The following ADAMTSL2 variants were observed in gnomAD, a reference collection of about 807,000 sequenced individuals.
ADAMTSL2 encodes the protein ADAMTS like 2.
ADAMTSL2 carries 55 observed loss-of-function variants against 117.0 expected under a neutral mutation model. That is an observed-to-expected ratio of 0.47 (90% CI 0.38 to 0.59). The LOEUF is 0.59. Ranked by LOEUF, ADAMTSL2 falls within the 20% of genes least tolerant of loss-of-function variation. The pLI, the probability that ADAMTSL2 is intolerant of heterozygous loss-of-function variation, is 0.00. For missense variants in ADAMTSL2, 1,182 were observed against 1,354.5 expected (o/e 0.87, Z 2.00); for synonymous variants, 572 against 566.4 (o/e 1.01, Z -0.14).
chr9:133,538,433 C>T lies in ADAMTSL2; in HGVS notation c.309+9C>T, dbSNP rs369866488. Reference sequence around the variant, plus strand: ...AGCTCTGCAGAGTGCAGGTGAGGCCCGGCCCGGGCAGGGGCACCATGGCCT... The same window carrying T: ...AGCTCTGCAGAGTGCAGGTGAGGCCTGGCCCGGGCAGGGGCACCATGGCCT... On this transcript the variant is annotated intron_variant, in intron 4 of 18. Transcript: ENST00000651351. 7.1e-5 allele frequency: 115 copies of T among 1,612,608 alleles called. 1 individual carries two copies. The highest frequency in any genetic ancestry group is 1.3e-4 in the East Asian group (6 of 44,878).
At chr9:133,546,876 C>T (rs1030718013) in intron 8 of ADAMTSL2, among the ~76,000 whole-genome samples, 162 bp from the exon 9 acceptor site, 1 of 152,148 alleles carries the variant, frequency 6.6e-6, no homozygotes, top group Non-Finnish European at 1.5e-5. Context: ...GCCCCTCCTC[C>T]GCATTCACTG....
upstream of ADAMTSL2, chr9:133,534,601 C>CCAGG (rs1365021727): frequency 3.2e-6 from 4 of 1,254,524 alleles, no homozygotes; most frequent in Non-Finnish European, 4.1e-6. Context: ...AAAGTGTGCG[C>CCAGG]CAGGCCGGCC....
At chr9:133,548,802 C>T (rs1432090644) in intron 9 of ADAMTSL2, among the ~76,000 whole-genome samples, 1 of 152,148 alleles carries the variant, frequency 6.6e-6, no homozygotes, top group Non-Finnish European at 1.5e-5. Context: ...GGCAGTTCAC[C>T]GAAGGGTGGG....
intron 7 of ADAMTSL2, among the ~76,000 whole-genome samples, chr9:133,541,255 C>T (rs927856421): frequency 2.0e-5 from 3 of 151,626 alleles, no homozygotes; most frequent in Non-Finnish European, 2.9e-5. Flanking sequence ...CACATTTGCC[C>T]TTTGAGACAG....
chr9:133,551,251 G>A (rs957523462), intron 9 of ADAMTSL2, among the ~76,000 whole-genome samples: 1 of 151,826 alleles, frequency 6.6e-6, no homozygotes, highest in African/African-American at 2.4e-5. Flanking sequence ...ACCCATCTCT[G>A]AATCAAGTTT....
intron 12 of ADAMTSL2, among the ~76,000 whole-genome samples, chr9:133,562,436 AC>A (rs1160679779): frequency 1.5e-4 from 22 of 147,830 alleles, no homozygotes; most frequent in South Asian, 4.3e-4. Flanking sequence ...CGTGGCGGGC[AC>A]CCGGCTCGGC....
At position 133,540,476 on chromosome 9, in the gene ADAMTSL2, T is replaced by C. The variant is rs536173247; in HGVS notation, c.413-122T>C. On this transcript the variant is annotated intron_variant, in intron 5 of 18. Coordinates refer to ENST00000651351, the MANE Select transcript of ADAMTSL2 (RefSeq NM_014694.4). ...AGACCTGGACAGGTTCCTTCTGTTC[T>C]CCAGGCCTGAGTTGCCCCATCTATG... The C allele has an allele frequency of 2.3e-5, 31 of 1,371,042 alleles. No individual in the cohort carries two copies. In the South Asian group the frequency reaches 3.9e-4, roughly 17 times the overall value. 84.9% of individuals were successfully genotyped at this position (1,371,042 alleles called of 1,614,324 possible).
At position 133,575,236 on chromosome 9, in the gene ADAMTSL2, C is replaced by T. The variant is rs1240417044; in HGVS notation, c.*372C>T. On this transcript the variant is annotated 3_prime_UTR_variant, in exon 19 of 19. Coordinates refer to ENST00000651351, the MANE Select transcript of ADAMTSL2 (RefSeq NM_014694.4). ...TCCGGGCCCGTAGCCCACGCCCTCT[C>T]TGGGTGGCAGGGCCTTCTGAAGGAA... The T allele has an allele frequency of 3.6e-6, 1 of 278,396 alleles. No homozygotes were observed. The highest frequency in any genetic ancestry group is 6.9e-6 in the Non-Finnish European group (1 of 144,146). The allele number at this position is 278,396 out of a possible 1,614,324, so 17.2% of individuals were successfully genotyped here. A position where few individuals can be genotyped will look rare whatever the true frequency, so the allele number is the denominator to read the frequency against.
chr9:133,547,114 A>T lies in ADAMTSL2; in HGVS notation c.840A>T (p.Ala280=), dbSNP rs2073875. The change falls in exon 9 of 19, where the codon GCA becomes GCT. Residue 280 remains alanine, a synonymous_variant. Transcript: ENST00000651351. ...KVDSPKNFNI[A]GTVVKYRRPM... is the part of the protein sequence containing the mutation. ...ACAGCCCCAAGAACTTCAACATCGC[A>T]GGCACGGTGGTCAAGTACAGGCGGC... is the stretch of plus-strand genomic sequence containing the variant. The T allele has an allele frequency of 0.88, 1,422,414 of 1,613,988 alleles. 634,369 individuals are homozygous for T. The highest frequency in any genetic ancestry group is 0.92 in the Non-Finnish European group (1,088,702 of 1,179,976).
rs1460098976 is a variant in ADAMTSL2 at position 133,555,590 on chromosome 9, G to T, written c.1309G>T (p.Asp437Tyr). The T allele has an allele frequency of 8.1e-6, 13 of 1,613,202 alleles. No individual in the cohort carries two copies. Among genetic ancestry groups the T allele is most frequent in the Non-Finnish European group, 1.0e-5 (12 of 1,180,036 alleles). ...CGTCACGGGGACTCCTCTCACCGGG[G>T]ACAAGGATGACGAAGAGGTTGACAC... ...RNVTGTPLTG[D>Y]KDDEEVDTHF... The change falls in exon 11 of 19, where the codon GAC becomes TAC. Residue 437 changes from aspartate to tyrosine, a missense_variant. Physicochemically the swap from Asp to Tyr is radical, Grantham distance 160. This residue lies in a region of ADAMTSL2 where 345 missense variants were observed against 325.8 expected (regional missense o/e 1.06). Coordinates refer to ENST00000651351, the MANE Select transcript of ADAMTSL2 (RefSeq NM_014694.4).
At position 133,554,548 on chromosome 9, in the gene ADAMTSL2, G is replaced by A. The variant is rs1406347121; in HGVS notation, c.1131G>A (p.Glu377=). The A allele has an allele frequency of 1.9e-6, 3 of 1,548,874 alleles. No homozygotes were observed. The highest frequency in any genetic ancestry group is 2.4e-5 in the South Asian group (2 of 84,090). ...NGSLYGQASS[E]RLGLDNRLFG... is the part of the protein sequence containing the mutation. ...CCCTCTACGGCCAGGCCTCCTCAGA[G>A]CGGCTGGGCCTGGACAACCGGCTGT... Residue 377 remains glutamate, a synonymous_variant, in exon 10 of 19, where the codon GAG becomes GAA. Transcript: ENST00000651351. The surrounding 1 kb of genome is among the most constrained non-coding windows in gnomAD (Gnocchi z 5.2).
At chr9:133,539,920 T>G (rs13302230) in intron 5 of ADAMTSL2, 47 bp downstream of exon 5, 2 of 1,530,752 alleles carry the variant, frequency 1.3e-6, no homozygotes, top group Admixed American at 2.0e-5. Context: ...TGACTGAGCT[T>G]TGGGGGTAGC....
In ADAMTSL2 at chr9:133,573,791, C is replaced by T. The variant is rs547662753; in HGVS notation, c.2593-52C>T. On this transcript the variant is annotated intron_variant, in intron 17 of 18. Coordinates refer to ENST00000651351, the MANE Select transcript of ADAMTSL2 (RefSeq NM_014694.4). ...GCAGGTTCCCCGCCCCCTGCCCAGG[C>T]CCCTGCCCCATCAGGAGGCTTTCCC... is the stretch of plus-strand genomic sequence containing the variant. The T allele has an allele frequency of 8.5e-4, 1,375 of 1,611,782 alleles. 4 individuals are homozygous for T. The Middle Eastern group carries it at 0.012, about 14-fold the overall frequency.
At chr9:133,568,211 G>T (rs1831020348) in intron 13 of ADAMTSL2, 62 bp from the exon 14 acceptor site, 2 of 1,506,048 alleles carry the variant, frequency 1.3e-6, no homozygotes, top group Non-Finnish European at 8.9e-7. Flanking sequence ...TGGGGGTGTG[G>T]GTTGCATGGG....
chr9:133,565,019 A>G (rs1408572389), intron 12 of ADAMTSL2, among the ~76,000 whole-genome samples: 1 of 152,142 alleles, frequency 6.6e-6, no homozygotes, highest in Admixed American at 6.5e-5. Context: ...GAGCCATAGC[A>G]ACAGAGGAGC....
chr9:133,536,469 T>G, intron 1 of ADAMTSL2, 94 bp from the exon 2 acceptor site: 1 of 1,463,786 alleles, frequency 6.8e-7, no homozygotes, highest in Admixed American at 2.4e-5. Flanking sequence ...ACACCGCCGC[T>G]GGGTGTCTTG....
At chr9:133,551,296 G>GCCC (rs1554813110) in intron 9 of ADAMTSL2, among the ~76,000 whole-genome samples, 27 of 146,946 alleles carry the variant, frequency 1.8e-4, no homozygotes, top group African/African-American at 5.1e-4. Flanking sequence ...CATCATAAGG[G>GCCC]CCCCCCCACA....
rs746778778 is a variant in ADAMTSL2 at position 133,537,377 on chromosome 9, C to G, written c.91-28C>G. Reference sequence around the variant, plus strand: ...TGGTCCTCCTGGGCACTTGAGCCCTCTACCATCTGGGGGTCCCTCTCACCC... The same window carrying G: ...TGGTCCTCCTGGGCACTTGAGCCCTGTACCATCTGGGGGTCCCTCTCACCC... On this transcript the variant is annotated intron_variant, in intron 2 of 18. Transcript: ENST00000651351. The G allele has an allele frequency of 2.7e-5, 36 of 1,333,554 alleles. No homozygotes were observed. In the Middle Eastern group the frequency reaches 6.0e-4, roughly 22 times the overall value. The allele number at this position is 1,333,554 out of a possible 1,614,324, so 82.6% of individuals were successfully genotyped here.
At chr9:133,562,395 C>A (rs1830748667) in intron 12 of ADAMTSL2, among the ~76,000 whole-genome samples, 1 of 152,188 alleles carries the variant, frequency 6.6e-6, no homozygotes, top group African/African-American at 2.4e-5. Flanking sequence ...CGCCTGGCAT[C>A]CTGGAGGGAA....
Sources: gnomAD v4.1 joint callset for allele counts (sites outside exome capture counted in the v4.1 genomes callset) on GRCh38, gnomAD v4.1.1 for gene constraint, gnomAD v4.1.1 regional missense constraint, Gnocchi (gnomAD v3.1) non-coding constraint, MANE v1.5 for transcripts, NCBI Gene and HGNC (gene_info 2026-07-23, HGNC 2026-07-21) for gene names.